Variants in OR51B5 observed in about 807,000 individuals in gnomAD.
OR51B5 encodes olfactory receptor family 51 subfamily B member 5.
For synonymous variants in OR51B5, 186 were observed against 144.8 expected (o/e 1.28, Z -2.04); for missense variants, 456 against 374.6 (o/e 1.22, Z -1.79).
intron 1 of OR51B5, chr11:5,385,608 G>C (rs1589967314): frequency 1.3e-5 from 2 of 151,956 alleles, no homozygotes; most frequent in African/African-American, 4.8e-5. Context: ...TTAGGTTGGT[G>C]AAAAATTAAT....
At chr11:5,402,907 A>G in intron 1 of OR51B5, 1 of 471,176 alleles carries the variant, frequency 2.1e-6, no homozygotes, top group Non-Finnish European at 4.4e-6. Context: ...CTTTTTCCAG[A>G]TGTTCTCCAT....
intron 1 of OR51B5, chr11:5,393,355 C>T (rs1323507347): frequency 6.9e-6 from 1 of 144,330 alleles, no homozygotes; most frequent in Non-Finnish European, 1.5e-5. Context: ...CATTTAAATG[C>T]TTAGGAAACT....
At chr11:5,358,665 C>T (rs1466152607) in intron 1 of OR51B5, among the ~76,000 whole-genome samples, 1 of 151,968 alleles carries the variant, frequency 6.6e-6, no homozygotes, top group African/African-American at 2.4e-5. Context: ...CATCCTGATA[C>T]CAAAGCCGGG....
At chr11:5,361,298 A>G (rs981466672) in intron 1 of OR51B5, among the ~76,000 whole-genome samples, 4 of 152,192 alleles carry the variant, frequency 2.6e-5, no homozygotes, top group Non-Finnish European at 5.9e-5. Flanking sequence ...CTCCTGTTCC[A>G]AAGTTCTAAA....
At chr11:5,460,266 G>C (rs1851028066) in intron 1 of OR51B5, among the ~76,000 whole-genome samples, 1 of 152,068 alleles carries the variant, frequency 6.6e-6, no homozygotes, top group African/African-American at 2.4e-5. Context: ...AGAGGGAGAG[G>C]ATCAAAAAGA....
intron 1 of OR51B5, among the ~76,000 whole-genome samples, chr11:5,420,848 T>G (rs551729708): frequency 6.6e-6 from 1 of 152,330 alleles, no homozygotes; most frequent in South Asian, 2.1e-4. Context: ...TTTCCTTATT[T>G]CTTGTACATA....
At chr11:5,486,919 AT>A (rs1399770644) in intron 1 of OR51B5, among the ~76,000 whole-genome samples, 1 of 152,264 alleles carries the variant, frequency 6.6e-6, no homozygotes, top group Non-Finnish European at 1.5e-5. Context: ...AAAAAAAAAA[AT>A]CTCAATGCAA....
chr11:5,504,632 A>G (rs745535153), intron 1 of OR51B5, among the ~76,000 whole-genome samples: 3 of 152,014 alleles, frequency 2.0e-5, no homozygotes, highest in Admixed American at 6.5e-5. Context: ...CCCAAGCACA[A>G]GCTTTGGTCC....
At chr11:5,400,884 G>C (rs999605515) in intron 1 of OR51B5, among the ~76,000 whole-genome samples, 1 of 152,180 alleles carries the variant, frequency 6.6e-6, no homozygotes, top group Non-Finnish European at 1.5e-5. Flanking sequence ...CTGTTGATGC[G>C]TAAGTTCAGC....
intron 1 of OR51B5, among the ~76,000 whole-genome samples, chr11:5,443,665 A>G (rs1014746303): frequency 2.0e-5 from 3 of 151,954 alleles, no homozygotes; most frequent in Non-Finnish European, 4.4e-5. Flanking sequence ...TATTTTATCT[A>G]TTTTCCAGAT....
chr11:5,450,366 A>G (rs1179735333), intron 1 of OR51B5, among the ~76,000 whole-genome samples: 1 of 152,172 alleles, frequency 6.6e-6, no homozygotes, highest in Non-Finnish European at 1.5e-5. Flanking sequence ...TCCACCCTGG[A>G]TGATGGAGCA....
intron 1 of OR51B5, among the ~76,000 whole-genome samples, chr11:5,414,219 G>C (rs1056296782): frequency 6.6e-6 from 1 of 151,648 alleles, no homozygotes; most frequent in Non-Finnish European, 1.5e-5. Context: ...ATACTTTACA[G>C]ACAAGCAAAT....
At chr11:5,413,155 T>G (rs1564805343) in intron 1 of OR51B5, among the ~76,000 whole-genome samples, 2 of 152,200 alleles carry the variant, frequency 1.3e-5, no homozygotes, top group Non-Finnish European at 2.9e-5. Context: ...CAGACACTGC[T>G]GCTGATACCC....
At chr11:5,412,381 T>C (rs2133751245) in intron 1 of OR51B5, among the ~76,000 whole-genome samples, 1 of 152,256 alleles carries the variant, frequency 6.6e-6, no homozygotes, top group South Asian at 2.1e-4. Context: ...ACGGGTGATT[T>C]CTGCATTTCC....
intron 1 of OR51B5, among the ~76,000 whole-genome samples, chr11:5,477,739 G>C (rs1220044839): frequency 6.6e-6 from 1 of 152,138 alleles, no homozygotes; most frequent in African/African-American, 2.4e-5. Context: ...CCGAGTCAAA[G>C]AAAGGGGTGA....
exon 1 of OR51B5, chr11:5,343,162 A>G (rs1848927558): frequency 6.2e-7 from 1 of 1,613,806 alleles, no homozygotes; most frequent in South Asian, 1.1e-5. Context: ...AGATGGCAAT[A>G]AAACGGTCAT....
chr11:5,378,334 A>G (rs7128531), intron 1 of OR51B5, among the ~76,000 whole-genome samples: 40,469 of 150,948 alleles, frequency 0.27, 5,704 homozygotes, highest in African/African-American at 0.32. Flanking sequence ...AGACTTAAAC[A>G]TTAGACCTAA....
chr11:5,399,757 G>A (rs550650927), intron 1 of OR51B5, among the ~76,000 whole-genome samples: 26 of 66,716 alleles, frequency 3.9e-4, no homozygotes, highest in African/African-American at 1.6e-3. Flanking sequence ...TGGAAACTGA[G>A]AAGGATGCAA....
intron 1 of OR51B5, chr11:5,403,670 T>C (rs1317066206): frequency 2.7e-6 from 1 of 372,970 alleles, no homozygotes; most frequent in Non-Finnish European, 5.4e-6. Context: ...AACAGGAAGT[T>C]CTCTATAGTC....
Sources: gnomAD v4.1 joint callset for allele counts (sites outside exome capture counted in the v4.1 genomes callset) on GRCh38, gnomAD v4.1.1 for gene constraint, MANE v1.5 for transcripts, NCBI Gene and HGNC (gene_info 2026-07-23, HGNC 2026-07-21) for gene names.